TRMT11: variants seen among roughly 807,000 people sequenced by gnomAD.
TRMT11 encodes the protein tRNA (guanine(10)-N(2))-methyltransferase TRMT11.
Under a neutral mutation model 62.8 loss-of-function variants are expected in TRMT11, and 53 were observed. The observed-to-expected ratio is 0.84, with a 90% CI of 0.68 to 1.06. The LOEUF is 1.06. Among genes scored for constraint, TRMT11 ranks in the 50% least tolerant of loss-of-function variants. The probability of loss-of-function intolerance (pLI) is 0.00; values close to 1 mark genes in which losing one functional copy is unlikely to be tolerated. For synonymous variants in TRMT11, 188 were observed against 190.3 expected, an observed-to-expected ratio of 0.99 and a Z score of 0.10; for missense variants, 556 against 553.4, an observed-to-expected ratio of 1.00 and a Z score of -0.05.
At chr6:126,244,696 CTCTG>C in the TRMT11 span, among the ~76,000 whole-genome samples, 3 of 152,218 alleles carry the variant, frequency 2.0e-5, no homozygotes, top group Admixed American at 6.5e-5. Flanking sequence ...AGTTTCGACA[CTCTG>C]TCTGACTGAG....
intron 17 of TRMT11, among the ~76,000 whole-genome samples, chr6:126,082,024 A>G (rs1777163819): frequency 6.6e-6 from 1 of 152,174 alleles, no homozygotes; most frequent in African/African-American, 2.4e-5. Context: ...ATGGGACACC[A>G]AGATACTATG....
intron 17 of TRMT11, among the ~76,000 whole-genome samples, chr6:126,077,741 T>C (rs1321333077): frequency 6.6e-6 from 1 of 152,172 alleles, no homozygotes; most frequent in African/African-American, 2.4e-5. Flanking sequence ...GCATATCAAG[T>C]CTCTACCTTT....
At chr6:126,059,635 T>C (rs1222771572) in intron 17 of TRMT11, among the ~76,000 whole-genome samples, 1 of 152,176 alleles carries the variant, frequency 6.6e-6, no homozygotes, top group Non-Finnish European at 1.5e-5. Context: ...TTATATCAAT[T>C]TTGTAGATGA....
intron 12 of TRMT11, among the ~76,000 whole-genome samples, chr6:126,024,666 A>T (rs1467327473): frequency 2.0e-5 from 3 of 152,238 alleles, no homozygotes; most frequent in African/African-American, 7.2e-5. Context: ...GCCTTAACAT[A>T]TGAATTTTAG....
intron 21 of TRMT11, among the ~76,000 whole-genome samples, chr6:126,143,438 G>A (rs975268943): frequency 2.6e-5 from 4 of 152,158 alleles, no homozygotes; most frequent in Admixed American, 2.0e-4. Context: ...GTTGTTTTTT[G>A]AAAGCTAATA....
intron 16 of TRMT11, among the ~76,000 whole-genome samples, chr6:126,046,616 G>A (rs146667751): frequency 3.3e-4 from 51 of 152,268 alleles, no homozygotes; most frequent in African/African-American, 1.2e-3. Context: ...GACTTTATAG[G>A]AGAAAGGGGC....
intron 17 of TRMT11, among the ~76,000 whole-genome samples, chr6:126,096,713 G>C (rs1777345654): frequency 6.6e-6 from 1 of 152,174 alleles, no homozygotes; most frequent in Non-Finnish European, 1.5e-5. Flanking sequence ...TCCTGTACCT[G>C]TAGTAGAAAC....
the TRMT11 span, among the ~76,000 whole-genome samples, chr6:126,253,974 C>G: frequency 6.6e-6 from 1 of 152,214 alleles, no homozygotes; most frequent in Non-Finnish European, 1.5e-5. Context: ...TTGCCACCAC[C>G]ACATATTTCT....
the TRMT11 span, among the ~76,000 whole-genome samples, chr6:126,219,659 GT>G: frequency 1.3e-5 from 2 of 152,124 alleles, no homozygotes; most frequent in Non-Finnish European, 1.5e-5. Context: ...AGGGATTCCA[GT>G]TTGCAGAGTT....
chr6:126,204,150 T>G (rs1163217437), downstream of TRMT11, among the ~76,000 whole-genome samples: 2 of 152,214 alleles, frequency 1.3e-5, no homozygotes, highest in East Asian at 3.8e-4. Flanking sequence ...TTAAAAAGAT[T>G]CAATGGGATG....
chr6:126,072,562 A>G (rs1014170186), intron 17 of TRMT11, among the ~76,000 whole-genome samples: 25 of 152,212 alleles, frequency 1.6e-4, no homozygotes, highest in African/African-American at 5.8e-4. Context: ...TATATTGAGT[A>G]TATAAAAATA....
At chr6:126,111,203 G>A (rs1469566034) in intron 17 of TRMT11, among the ~76,000 whole-genome samples, 1 of 152,014 alleles carries the variant, frequency 6.6e-6, no homozygotes, top group Non-Finnish European at 1.5e-5. Flanking sequence ...ATAATAACAA[G>A]CTGTCTTCTC....
At chr6:126,147,677 G>A (rs993124278) in intron 21 of TRMT11, among the ~76,000 whole-genome samples, 1 of 152,150 alleles carries the variant, frequency 6.6e-6, no homozygotes, top group Non-Finnish European at 1.5e-5. Flanking sequence ...GACTGTGAAG[G>A]AAGCTGTGGA....
the TRMT11 span, among the ~76,000 whole-genome samples, chr6:126,267,853 AG>A: frequency 6.6e-6 from 1 of 152,150 alleles, no homozygotes; most frequent in Non-Finnish European, 1.5e-5. Flanking sequence ...TGGGTGATTA[AG>A]GGTTTCCTGA....
chr6:126,026,806 T>G (rs1431753634), intron 12 of TRMT11, among the ~76,000 whole-genome samples: 1 of 148,490 alleles, frequency 6.7e-6, no homozygotes, highest in African/African-American at 2.5e-5. Flanking sequence ...TTTTGGGTTT[T>G]TTTTTTTTTT....
chr6:126,189,355 TA>T (rs1441782629), intron 1 of TRMT11, among the ~76,000 whole-genome samples: 1 of 152,184 alleles, frequency 6.6e-6, no homozygotes, highest in Non-Finnish European at 1.5e-5. Flanking sequence ...TATTATTAAC[TA>T]AAATCCTTCT....
At chr6:126,025,792 G>C (rs912886396) in intron 12 of TRMT11, among the ~76,000 whole-genome samples, 2 of 152,138 alleles carry the variant, frequency 1.3e-5, no homozygotes, top group African/African-American at 2.4e-5. Context: ...TTTGTATACT[G>C]TGTCTCTTCA....
chr6:126,024,224 T>G (rs1796220600), intron 12 of TRMT11, among the ~76,000 whole-genome samples: 1 of 152,226 alleles, frequency 6.6e-6, no homozygotes. Context: ...TTGGTGTGCT[T>G]GGGCTGGCAT....
At chr6:126,254,569 G>T in the TRMT11 span, among the ~76,000 whole-genome samples, 1 of 151,992 alleles carries the variant, frequency 6.6e-6, no homozygotes, top group East Asian at 1.9e-4. Context: ...GTGTAAAATC[G>T]GTTGGCCCCA....
Sources: allele counts gnomAD v4.1 joint callset (sites outside exome capture counted in the v4.1 genomes callset), GRCh38; gene constraint gnomAD v4.1.1; transcripts MANE v1.5; gene names NCBI Gene and HGNC (gene_info 2026-07-23, HGNC 2026-07-21).